The following RPS6KA2 variants were observed in gnomAD, a reference collection of about 807,000 sequenced individuals.
RPS6KA2 encodes the protein ribosomal protein S6 kinase A2, also known as ribosomal protein S6 kinase alpha-2.
In RPS6KA2, 42 loss-of-function variants were observed where a neutral mutation model predicts 91.8. That is an observed-to-expected ratio of 0.46 (90% CI 0.36 to 0.59). The LOEUF is 0.59. Among genes scored for constraint, RPS6KA2 ranks in the 20% least tolerant of loss-of-function variants. The pLI is 0.00. For synonymous variants in RPS6KA2, 414 were observed against 393.6 expected (o/e 1.05, Z -0.61); for missense variants, 798 against 978.5 (o/e 0.82, Z 2.46).
At chr6:166,790,615 A>T (rs1343485113) in intron 2 of RPS6KA2, among the ~76,000 whole-genome samples, 2 of 152,208 alleles carry the variant, frequency 1.3e-5, no homozygotes, top group African/African-American at 2.4e-5. Flanking sequence ...GCCAGAGAGA[A>T]AGCTCGGGTT....
In RPS6KA2 at chr6:166,512,566, T is replaced by A. The variant is rs539705388; in HGVS notation, c.299-2209A>T. Among the ~76,000 whole-genome samples, 26 of 152,348 alleles carry A rather than the reference T, an allele frequency of 1.7e-4. No homozygotes were observed. The South Asian group carries it at 5.2e-3, about 30-fold the overall frequency. On this transcript the variant is annotated intron_variant, in intron 3 of 20. Coordinates refer to ENST00000265678, the MANE Select transcript of RPS6KA2 (RefSeq NM_021135.6). ...ATACTCACACCTAGGATTCAGGCTG[T>A]CTGAAGTCCACCTTTGTCTTTGGTG...
At chr6:166,853,983 T>A (rs1780820165) in intron 2 of RPS6KA2, among the ~76,000 whole-genome samples, 1 of 152,256 alleles carries the variant, frequency 6.6e-6, no homozygotes, top group African/African-American at 2.4e-5. Context: ...GTGATGTCGC[T>A]ATACTGAGCC....
Position 166,821,592 on chromosome 6 carries a change from C to A in RPS6KA2, c.123+36608G>T, listed in dbSNP as rs1779905324. Reference sequence around the variant, plus strand: ...CCATCCCTCCTCCCACCGTAACCACCTACGCTCCCCTGGGTTTCCTCCCCC... The same window carrying A: ...CCATCCCTCCTCCCACCGTAACCACATACGCTCCCCTGGGTTTCCTCCCCC... On this transcript the variant is annotated intron_variant, in intron 2 of 21. Coordinates refer to the RPS6KA2 transcript ENST00000503859. This position sits in a 1 kb window ranked among gnomAD's most constrained non-coding sequence, Gnocchi z 4.1. Among the ~76,000 whole-genome samples, 1 of 152,124 alleles carries A rather than the reference C, an allele frequency of 6.6e-6. No homozygotes were observed. The highest frequency in any genetic ancestry group is 1.5e-5 in the Non-Finnish European group (1 of 68,012).
chr6:166,795,726 C>A (rs916530487), intron 2 of RPS6KA2, among the ~76,000 whole-genome samples: 8 of 152,158 alleles, frequency 5.3e-5, no homozygotes, highest in Non-Finnish European at 2.9e-5. Flanking sequence ...TGGGCTGCTG[C>A]CCCAGCAGGC....
At chr6:166,680,208 C>T (rs924230908) in intron 2 of RPS6KA2, among the ~76,000 whole-genome samples, 2 of 152,102 alleles carry the variant, frequency 1.3e-5, no homozygotes, top group African/African-American at 2.4e-5. Flanking sequence ...ACTTTTGTGT[C>T]TAACTAAAGG....
At chr6:166,713,849 G>A (rs9348176) in intron 2 of RPS6KA2, among the ~76,000 whole-genome samples, 138,076 of 152,280 alleles carry the variant, frequency 0.91, 62,702 homozygotes, top group East Asian at 0.96. Context: ...GTGAAGTTCC[G>A]TCGTGGAGGA....
intron 1 of RPS6KA2, among the ~76,000 whole-genome samples, chr6:166,570,935 C>G (rs1403716706): frequency 6.6e-6 from 1 of 152,102 alleles, no homozygotes; most frequent in African/African-American, 2.4e-5. Context: ...TTTTAAGAGG[C>G]CTTTTTAGGA....
intron 2 of RPS6KA2, among the ~76,000 whole-genome samples, chr6:166,843,109 G>C (rs771532116): frequency 6.6e-6 from 1 of 152,080 alleles, no homozygotes; most frequent in East Asian, 1.9e-4. Flanking sequence ...GCCTGTGACC[G>C]CCGCCTTTAC....
At chr6:166,649,957 T>G (rs1223687905) in intron 2 of RPS6KA2, among the ~76,000 whole-genome samples, 1 of 152,144 alleles carries the variant, frequency 6.6e-6, no homozygotes, top group East Asian at 1.9e-4. Context: ...AGTGGGTCAT[T>G]GCGGAGGGTA....
chr6:166,674,772 T>C (rs1223034241), intron 2 of RPS6KA2, among the ~76,000 whole-genome samples: 5 of 152,092 alleles, frequency 3.3e-5, no homozygotes, highest in Non-Finnish European at 2.9e-5. Context: ...GGGTTCAAGC[T>C]ATTCTCCTGC....
rs1457095109 is a variant in RPS6KA2, at chr6:166,419,869, G to A, written c.1820+13C>T. On this transcript the variant is annotated intron_variant, in intron 18 of 20. Transcript: ENST00000265678. This position sits in a 1 kb window ranked among gnomAD's most constrained non-coding sequence, Gnocchi z 5.6. ...GTGTCTCCTCCTGACACCTGTTTGA[G>A]GTGACTGCTTACCCTGCCAGCATGG... 1.2e-6 allele frequency: 2 copies of A among 1,611,638 alleles called. No individual in the cohort carries two copies. The highest frequency in any genetic ancestry group is 1.7e-6 in the Non-Finnish European group (2 of 1,177,896).
At chr6:166,516,832 CT>C (rs1782660667) in intron 3 of RPS6KA2, among the ~76,000 whole-genome samples, 1 of 152,188 alleles carries the variant, frequency 6.6e-6, no homozygotes, top group Non-Finnish European at 1.5e-5. Context: ...AAGCTGAGAC[CT>C]GGTGAAGCAG....
chr6:166,576,487 G>A (rs190688431), intron 1 of RPS6KA2, among the ~76,000 whole-genome samples: 19 of 152,330 alleles, frequency 1.2e-4, no homozygotes, highest in African/African-American at 4.6e-4. Context: ...CTCAGATGGA[G>A]ATGAGGAACT....
In RPS6KA2 at chr6:166,603,403, G is replaced by T. The variant is rs141178958; in HGVS notation, c.99+23518C>A. ...GGGTGGGGCAGAGCTCTGGGAGGCC[G>T]AGTGGTGACTTCCTCCAGTCCAGCA... is the stretch of plus-strand genomic sequence containing the variant. On this transcript the variant is annotated intron_variant, in intron 1 of 20. Coordinates refer to ENST00000265678, the MANE Select transcript of RPS6KA2 (RefSeq NM_021135.6). The surrounding 1 kb of genome is among the most constrained non-coding windows in gnomAD (Gnocchi z 4.3). 6.6e-6 allele frequency among the ~76,000 whole-genome samples: 1 copy of T among 152,174 alleles called. No individual in the cohort carries two copies. Among genetic ancestry groups the T allele is most frequent in the Non-Finnish European group, 1.5e-5 (1 of 68,026 alleles).
chr6:166,609,181 T>C (rs955457970), intron 1 of RPS6KA2, among the ~76,000 whole-genome samples: 2 of 152,206 alleles, frequency 1.3e-5, no homozygotes, highest in African/African-American at 4.8e-5. Context: ...GTTTTCAAAC[T>C]GGGGTTCAAT....
chr6:166,447,588 T>G (rs1779720942), intron 14 of RPS6KA2, among the ~76,000 whole-genome samples: 1 of 152,118 alleles, frequency 6.6e-6, no homozygotes, highest in Non-Finnish European at 1.5e-5. Flanking sequence ...AGGCCATGCT[T>G]GAGGATCTAC....
intron 12 of RPS6KA2, among the ~76,000 whole-genome samples, chr6:166,453,630 T>C (rs1227761017): frequency 1.3e-5 from 2 of 152,200 alleles, no homozygotes; most frequent in South Asian, 2.1e-4. Context: ...ACAACCTCCA[T>C]GAAAAACAGT....
intron 9 of RPS6KA2, among the ~76,000 whole-genome samples, chr6:166,489,373 G>C (rs1011058112): frequency 6.6e-6 from 1 of 152,190 alleles, no homozygotes; most frequent in Non-Finnish European, 1.5e-5. Flanking sequence ...GAGACAGCTG[G>C]ACCCTGTGCT....
intron 2 of RPS6KA2, among the ~76,000 whole-genome samples, chr6:166,827,924 T>G (rs976905971): frequency 6.6e-5 from 10 of 152,246 alleles, no homozygotes; most frequent in Admixed American, 2.6e-4. Context: ...AGAAGCATTT[T>G]AAATTAATAA....
Sources: gnomAD v4.1 joint callset for allele counts (sites outside exome capture counted in the v4.1 genomes callset) on GRCh38, gnomAD v4.1.1 for gene constraint, Gnocchi (gnomAD v3.1) non-coding constraint, MANE v1.5 for transcripts, NCBI Gene and HGNC (gene_info 2026-07-23, HGNC 2026-07-21) for gene names.